MYO9A: variants seen among roughly 807,000 people sequenced by gnomAD.
MYO9A encodes the protein unconventional myosin-IXa.
MYO9A carries 103 observed loss-of-function variants against 293.3 expected under a neutral mutation model. The ratio of observed to expected loss-of-function variants is 0.35; its 90% CI spans 0.30 to 0.41. MYO9A has a LOEUF of 0.41. Ranked by LOEUF, MYO9A falls within the 10% of genes least tolerant of loss-of-function variation. The pLI is 1.00. For synonymous variants in MYO9A, 1,001 were observed against 1,035.7 expected, an observed-to-expected ratio of 0.97 and a Z score of 0.64; for missense variants, 2,685 against 3,033.0, an observed-to-expected ratio of 0.89 and a Z score of 2.69.
chr15:71,909,559 G>A (rs2057770778), intron 19 of MYO9A, among the ~76,000 whole-genome samples: 1 of 152,062 alleles, frequency 6.6e-6, no homozygotes, highest in African/African-American at 2.4e-5. Flanking sequence ...TCTTTGGTGA[G>A]GTGCCCCTCC....
chr15:71,834,705 G>T (rs1186052127), intron 39 of MYO9A, among the ~76,000 whole-genome samples: 1 of 152,080 alleles, frequency 6.6e-6, no homozygotes, highest in Admixed American at 6.5e-5. Flanking sequence ...GGTTGAGGCT[G>T]CAGTGAGCCA....
chr15:71,854,674 T>A (rs1185434812), intron 34 of MYO9A, 105 bp from the exon 35 acceptor site: 1 of 864,340 alleles, frequency 1.2e-6, no homozygotes, highest in Non-Finnish European at 1.7e-6. Flanking sequence ...TGAAGTTTTA[T>A]GAGCATAGTT....
intron 39 of MYO9A, among the ~76,000 whole-genome samples, chr15:71,835,944 A>G (rs147756905): frequency 1.8e-4 from 27 of 152,244 alleles, no homozygotes; most frequent in African/African-American, 6.0e-4. Flanking sequence ...AAGGCTCCCA[A>G]TTTATAATAA....
At chr15:71,875,710 C>G in intron 32 of MYO9A, 81 bp downstream of exon 32, 1 of 622,738 alleles carries the variant, frequency 1.6e-6, no homozygotes, top group Non-Finnish European at 2.5e-6. Flanking sequence ...ATAAATATAT[C>G]CACATATATA....
At chr15:71,844,331 C>A (rs2055292931) in intron 39 of MYO9A, among the ~76,000 whole-genome samples, 1 of 152,180 alleles carries the variant, frequency 6.6e-6, no homozygotes, top group African/African-American at 2.4e-5. Context: ...ATTTGCCATG[C>A]TCTGTCTAAG....
chr15:71,923,123 T>C (rs1046892890), intron 18 of MYO9A, among the ~76,000 whole-genome samples: 1 of 152,218 alleles, frequency 6.6e-6, no homozygotes, highest in Non-Finnish European at 1.5e-5. Flanking sequence ...TTTATCTGTG[T>C]CTATTGAAAT....
chr15:71,851,365 A>G lies in MYO9A; in HGVS notation c.6476-7T>C, dbSNP rs758862903. The G allele has an allele frequency of 1.2e-6, 2 of 1,607,154 alleles. No individual in the cohort carries two copies. Among genetic ancestry groups the G allele is most frequent in the African/African-American group, 1.3e-5 (1 of 74,752 alleles). ...TCCTTCCTCTCCTGAAGGCCTAAAAACAGTAAGAGCAGAAACTAAGACTAA... is the reference window on the plus strand; with the variant it reads ...TCCTTCCTCTCCTGAAGGCCTAAAAGCAGTAAGAGCAGAAACTAAGACTAA... On this transcript the variant is annotated splice_polypyrimidine_tract_variant and splice_region_variant and intron_variant, in intron 36 of 41. Coordinates refer to ENST00000356056, the MANE Select transcript of MYO9A (RefSeq NM_006901.4).
intron 4 of MYO9A, among the ~76,000 whole-genome samples, chr15:72,022,365 C>T (rs185115228): frequency 2.6e-5 from 4 of 151,906 alleles, no homozygotes; most frequent in Non-Finnish European, 5.9e-5. Context: ...ACTAAAAATA[C>T]AAAAATTAGC....
intron 40 of MYO9A, among the ~76,000 whole-genome samples, chr15:71,829,198 A>G (rs993848004): frequency 6.6e-6 from 1 of 152,156 alleles, no homozygotes; most frequent in Non-Finnish European, 1.5e-5. Context: ...CCCCTGGTCA[A>G]TGTACATCAT....
chr15:72,104,972 T>C (rs1246214757), intron 1 of MYO9A, among the ~76,000 whole-genome samples: 1 of 152,188 alleles, frequency 6.6e-6, no homozygotes, highest in Non-Finnish European at 1.5e-5. Context: ...GGCTTTTTTT[T>C]AGTTCTAATG....
chr15:71,900,244 C>T (rs1489870529), intron 23 of MYO9A, among the ~76,000 whole-genome samples: 2 of 151,954 alleles, frequency 1.3e-5, no homozygotes, highest in African/African-American at 2.4e-5. Context: ...ACCAACCTGG[C>T]TAACATGGTG....
chr15:71,834,572 G>A (rs1336368523), intron 39 of MYO9A, among the ~76,000 whole-genome samples: 4 of 151,694 alleles, frequency 2.6e-5, no homozygotes, highest in African/African-American at 7.3e-5. Flanking sequence ...AGGAGTTTGA[G>A]ACCAGCCTTG....
intron 26 of MYO9A, chr15:71,890,406 C>A (rs1486657327): frequency 1.3e-5 from 2 of 152,150 alleles, no homozygotes; most frequent in Middle Eastern, 3.4e-3. Flanking sequence ...GAAAACTGTA[C>A]AGAGAAAAGT....
intron 7 of MYO9A, among the ~76,000 whole-genome samples, chr15:72,009,738 T>C (rs898474492): frequency 6.6e-6 from 1 of 151,896 alleles, no homozygotes; most frequent in African/African-American, 2.4e-5. Context: ...TATAATCAGA[T>C]CTGACATATT....
At chr15:71,968,235 C>T (rs960605532) in intron 12 of MYO9A, 110 bp from the exon 13 acceptor site, 86 of 939,362 alleles carry the variant, frequency 9.2e-5, no homozygotes, top group Non-Finnish European at 1.2e-4. Context: ...TCTTACATAG[C>T]AGTTTACAAA....
At chr15:72,032,423 G>T in intron 3 of MYO9A, 71 bp downstream of exon 3, 1 of 982,564 alleles carries the variant, frequency 1.0e-6, no homozygotes, top group Non-Finnish European at 1.5e-6. Flanking sequence ...ACAATACATA[G>T]TTTATAAAAG....
intron 19 of MYO9A, among the ~76,000 whole-genome samples, chr15:71,912,021 C>T (rs1039866338): frequency 6.6e-6 from 1 of 151,888 alleles, no homozygotes; most frequent in Admixed American, 6.6e-5. Flanking sequence ...TCAGCTATTA[C>T]CTTACTAACT....
chr15:72,003,098 C>T lies in MYO9A; in HGVS notation c.1381-3158G>A, dbSNP rs550684764. Reference sequence around the variant, plus strand: ...CAGCCTGACCAATATGGAGAAACTCCGTCTCTACTAAAAATACAAAATTAG... The same window carrying T: ...CAGCCTGACCAATATGGAGAAACTCTGTCTCTACTAAAAATACAAAATTAG... On this transcript the variant is annotated intron_variant, in intron 8 of 41. Coordinates refer to ENST00000356056, the MANE Select transcript of MYO9A (RefSeq NM_006901.4). Among the ~76,000 whole-genome samples, 14 of 151,614 alleles carry T rather than the reference C, an allele frequency of 9.2e-5. No individual in the cohort carries two copies. In the South Asian group the frequency reaches 2.9e-3, roughly 32 times the overall value.
At position 71,852,117 on chromosome 15, in the gene MYO9A, G is replaced by A; in HGVS notation, c.6475+15C>T. ...ACTATAGGCCTTCTCTCTAACCCAG[G>A]AAGCCTATGCTTACCCATAGCTCGA... On this transcript the variant is annotated intron_variant, in intron 36 of 41. Coordinates refer to ENST00000356056, the MANE Select transcript of MYO9A (RefSeq NM_006901.4). The A allele has an allele frequency of 6.2e-7, 1 of 1,601,402 alleles. No homozygotes were observed. The highest frequency in any genetic ancestry group is 1.3e-5 in the African/African-American group (1 of 74,728).
Sources: gnomAD v4.1 joint callset for allele counts (sites outside exome capture counted in the v4.1 genomes callset) on GRCh38, gnomAD v4.1.1 for gene constraint, MANE v1.5 for transcripts, NCBI Gene and HGNC (gene_info 2026-07-23, HGNC 2026-07-21) for gene names.